Variants in ATP8B4 observed in about 807,000 individuals in gnomAD.
ATP8B4 encodes probable phospholipid-transporting ATPase IM.
Under a neutral mutation model 145.6 loss-of-function variants are expected in ATP8B4, and 133 were observed. That is an observed-to-expected ratio of 0.91 (90% confidence interval 0.79 to 1.05). The LOEUF is 1.05. Ranked by LOEUF, ATP8B4 falls within the 50% of genes least tolerant of loss-of-function variation. The probability of loss-of-function intolerance (pLI) is 0.00; values close to 1 mark genes in which losing one functional copy is unlikely to be tolerated. For missense variants in ATP8B4, 1,458 were observed against 1,425.2 expected (o/e 1.02, Z -0.37); for synonymous variants, 507 against 492.9 (o/e 1.03, Z -0.38).
chr15:49,911,370 T>A (rs2039211077), intron 20 of ATP8B4, among the ~76,000 whole-genome samples: 1 of 152,080 alleles, frequency 6.6e-6, no homozygotes, highest in African/African-American at 2.4e-5. Context: ...CAGGAGTAGC[T>A]ATACTTATAT....
intron 26 of ATP8B4, 28 bp from the exon 27 acceptor site, chr15:49,862,403 T>C: frequency 1.2e-6 from 2 of 1,607,598 alleles, no homozygotes; most frequent in South Asian, 2.2e-5. Flanking sequence ...AAATATACAC[T>C]GTGGTTACAA....
intron 2 of ATP8B4, 66 bp downstream of exon 2, chr15:50,106,873 C>T (rs2056707609): frequency 2.0e-6 from 3 of 1,477,456 alleles, no homozygotes; most frequent in Admixed American, 4.1e-5. Context: ...ATTAAACTTC[C>T]ATGAAAAAAT....
At chr15:49,989,298 G>C (rs2046869971) in intron 9 of ATP8B4, among the ~76,000 whole-genome samples, 2 of 152,134 alleles carry the variant, frequency 1.3e-5, no homozygotes, top group South Asian at 4.2e-4. Context: ...ATTCTGAATT[G>C]TAAAATCTTG....
At chr15:50,163,275 C>T (rs1360832310) in intron 1 of ATP8B4, among the ~76,000 whole-genome samples, 3 of 152,146 alleles carry the variant, frequency 2.0e-5, no homozygotes, top group Non-Finnish European at 2.9e-5. Flanking sequence ...GAAGGCTTTC[C>T]AAGTATTCCA....
chr15:50,131,226 T>G (rs2057343841), intron 1 of ATP8B4, among the ~76,000 whole-genome samples: 1 of 152,168 alleles, frequency 6.6e-6, no homozygotes, highest in Admixed American at 6.5e-5. Flanking sequence ...GAGATTTGGA[T>G]GGGGACACAA....
chr15:49,980,531 TG>T (rs2046064447), intron 11 of ATP8B4, among the ~76,000 whole-genome samples: 1 of 152,146 alleles, frequency 6.6e-6, no homozygotes, highest in African/African-American at 2.4e-5. Flanking sequence ...TGAATGTTTT[TG>T]GTAAACGAGT....
intron 2 of ATP8B4, among the ~76,000 whole-genome samples, chr15:50,098,214 T>C (rs1420920528): frequency 6.8e-6 from 1 of 146,544 alleles, no homozygotes; most frequent in African/African-American, 2.5e-5. Context: ...TTAAAGATTT[T>C]GGTTGTGTCA....
intron 4 of ATP8B4, among the ~76,000 whole-genome samples, chr15:50,046,817 TTTAG>T (rs1600059637): frequency 6.6e-6 from 1 of 152,212 alleles, no homozygotes; most frequent in South Asian, 2.1e-4. Flanking sequence ...AAAGGCAAAT[TTTAG>T]TTAGGAGAAA....
chr15:50,078,040 C>T (rs750490210), intron 2 of ATP8B4, among the ~76,000 whole-genome samples: 3 of 151,990 alleles, frequency 2.0e-5, no homozygotes, highest in Non-Finnish European at 4.4e-5. Context: ...CTGAGAAAAA[C>T]CAAGAGCACA....
At chr15:49,876,934 T>C (rs1221881052) in intron 24 of ATP8B4, among the ~76,000 whole-genome samples, 1 of 152,112 alleles carries the variant, frequency 6.6e-6, no homozygotes, top group African/African-American at 2.4e-5. Flanking sequence ...AGGTAGTGAG[T>C]GGTAGTGACC....
chr15:50,005,587 T>G (rs1304652532), intron 7 of ATP8B4, among the ~76,000 whole-genome samples: 1 of 152,074 alleles, frequency 6.6e-6, no homozygotes, highest in African/African-American at 2.4e-5. Flanking sequence ...AATTAACTCA[T>G]GTAAAGCCCA....
chr15:49,877,336 T>C (rs2034608874), intron 24 of ATP8B4, among the ~76,000 whole-genome samples: 1 of 151,984 alleles, frequency 6.6e-6, no homozygotes, highest in Admixed American at 6.5e-5. Flanking sequence ...CAAAGCCAAA[T>C]GCCAAAAACC....
intron 1 of ATP8B4, among the ~76,000 whole-genome samples, chr15:50,172,953 C>T (rs1056603082): frequency 3.3e-5 from 5 of 150,426 alleles, no homozygotes; most frequent in African/African-American, 1.2e-4. Context: ...CCGGCAGCCG[C>T]CCCATCCGGG....
chr15:50,132,781 C>CA (rs1290867187), intron 1 of ATP8B4, among the ~76,000 whole-genome samples: 4 of 152,014 alleles, frequency 2.6e-5, no homozygotes, highest in African/African-American at 4.8e-5. Context: ...TATGCAGCCA[C>CA]AAAAAAGGAT....
At chr15:49,985,243 C>G (rs1459745463) in intron 10 of ATP8B4, among the ~76,000 whole-genome samples, 2 of 151,988 alleles carry the variant, frequency 1.3e-5, no homozygotes, top group African/African-American at 4.8e-5. Context: ...ACTACAGGCG[C>G]CTGCCAACAC....
In ATP8B4 at chr15:50,163,329, A is replaced by AT. The variant is rs1312074660; in HGVS notation, c.-43+18931dup. ...ATCTAAGTCTTTGGTAACTGCAGCT[A>AT]TATCTGCATTGGGGGCACCCCAAGC... On this transcript the variant is annotated intron_variant, in intron 1 of 3. Transcript: ENST00000558829. Among the ~76,000 whole-genome samples, 4 of 152,232 alleles carry AT rather than the reference A, an allele frequency of 2.6e-5. No homozygotes were observed. In the East Asian group the frequency reaches 7.7e-4, roughly 29 times the overall value.
At chr15:50,151,587 C>T (rs577702435) in intron 1 of ATP8B4, among the ~76,000 whole-genome samples, 9 of 152,044 alleles carry the variant, frequency 5.9e-5, no homozygotes, top group African/African-American at 9.6e-5. Flanking sequence ...TCCATCTCTA[C>T]GAAAAATTTT....
intron 21 of ATP8B4, among the ~76,000 whole-genome samples, chr15:49,899,200 C>T (rs1282567781): frequency 6.6e-6 from 1 of 152,094 alleles, no homozygotes; most frequent in Non-Finnish European, 1.5e-5. Context: ...TGCCTCTGTG[C>T]CTTTGTACTT....
intron 1 of ATP8B4, among the ~76,000 whole-genome samples, chr15:50,152,873 G>A (rs771612162): frequency 6.6e-6 from 1 of 152,154 alleles, no homozygotes; most frequent in South Asian, 2.1e-4. Context: ...GTAATATTTT[G>A]TGGAGGTTTT....
Sources: gnomAD v4.1 joint callset for allele counts (sites outside exome capture counted in the v4.1 genomes callset) on GRCh38, gnomAD v4.1.1 for gene constraint, MANE v1.5 for transcripts, NCBI Gene and HGNC (gene_info 2026-07-23, HGNC 2026-07-21) for gene names.